Variants in NHSL2 observed in about 807,000 individuals in gnomAD.
The protein encoded by NHSL2 is NHS like 2.
Under a neutral mutation model 53.4 loss-of-function variants are expected in NHSL2, and 27 were observed. The observed-to-expected ratio is 0.51, with a 90% CI of 0.37 to 0.70. NHSL2 has a LOEUF of 0.70. Among genes scored for constraint, NHSL2 ranks in the 30% least tolerant of loss-of-function variants. NHSL2 has a pLI of 0.00. For missense variants in NHSL2, 892 were observed against 980.1 expected, an observed-to-expected ratio of 0.91 and a Z score of 1.20; for synonymous variants, 408 against 404.1, an observed-to-expected ratio of 1.01 and a Z score of -0.12.
At chrX:72,116,208 T>A (rs932638134) in intron 1 of NHSL2, among the ~76,000 whole-genome samples, 2 of 112,138 alleles carry the variant, frequency 1.8e-5, no homozygotes, top group Non-Finnish European at 3.8e-5. Flanking sequence ...CCTAGAGCAA[T>A]GCCTGTAGTA....
intron 1 of NHSL2, among the ~76,000 whole-genome samples, chrX:71,979,732 T>C (rs1460173486): frequency 9.0e-6 from 1 of 111,663 alleles, no homozygotes; most frequent in Non-Finnish European, 1.9e-5. Flanking sequence ...TCTGATGGTA[T>C]TTTCTTTTGC....
intron 1 of NHSL2, among the ~76,000 whole-genome samples, chrX:71,959,994 A>T (rs1169682051): frequency 1.8e-5 from 2 of 112,114 alleles, no homozygotes; most frequent in South Asian, 7.4e-4. Flanking sequence ...CAAAGTGGCT[A>T]TACCATCTCT....
chrX:71,970,794 T>TTTCTCTTGTAAAGA (rs1345374399), intron 1 of NHSL2, among the ~76,000 whole-genome samples: 1 of 111,527 alleles, frequency 9.0e-6, no homozygotes, highest in Non-Finnish European at 1.9e-5. Flanking sequence ...CTTTTTGAAT[T>TTTCTCTTGTAAAGA]TTCTCTTGTA....
intron 1 of NHSL2, among the ~76,000 whole-genome samples, chrX:71,990,107 T>A (rs2042020921): frequency 9.0e-6 from 1 of 111,453 alleles, no homozygotes; most frequent in Non-Finnish European, 1.9e-5. Context: ...TGCTTTGGAG[T>A]GGGGGACAAA....
intron 1 of NHSL2, among the ~76,000 whole-genome samples, chrX:72,010,308 A>G (rs966087065): frequency 1.8e-5 from 2 of 112,356 alleles, no homozygotes; most frequent in Non-Finnish European, 3.8e-5. Context: ...CTATGACCAC[A>G]GTGTTGGTGA....
At chrX:72,025,518 C>T (rs1012186755) in intron 1 of NHSL2, among the ~76,000 whole-genome samples, 1 of 112,631 alleles carries the variant, frequency 8.9e-6, no homozygotes, top group African/African-American at 3.2e-5. Flanking sequence ...TCTACAGTCA[C>T]CAGCATGTAA....
chrX:72,137,581 G>A (rs903360692), intron 5 of NHSL2, among the ~76,000 whole-genome samples: 7 of 111,741 alleles, frequency 6.3e-5, no homozygotes, highest in African/African-American at 1.6e-4. Flanking sequence ...TGCTGGCCAG[G>A]AGCACAGACC....
intron 1 of NHSL2, among the ~76,000 whole-genome samples, chrX:71,945,587 G>A (rs1265991087): frequency 2.7e-5 from 3 of 111,789 alleles, no homozygotes; most frequent in Non-Finnish European, 5.6e-5. Flanking sequence ...TGGTCTGCTG[G>A]AGGCTGAGCC....
intron 1 of NHSL2, among the ~76,000 whole-genome samples, chrX:72,107,162 G>T (rs1425372403): frequency 1.8e-5 from 2 of 110,702 alleles, no homozygotes; most frequent in Non-Finnish European, 3.8e-5. Flanking sequence ...GGTGGCTCAT[G>T]CCTGTAATCC....
Position 72,137,076 on chromosome X carries a change from T to C in NHSL2, c.761-18T>C. ...ACAGAAACCAGGATGCACCCAAGTG[T>C]CTTTATTTTGGCTACAGGGCAGCAG... is the stretch of plus-strand genomic sequence containing the variant. On this transcript the variant is annotated intron_variant, in intron 4 of 7. Transcript: ENST00000633930. 1 of 1,162,275 alleles carries C rather than the reference T, an allele frequency of 8.6e-7. No homozygotes were observed. The highest frequency in any genetic ancestry group is 1.2e-6 in the Non-Finnish European group (1 of 869,355).
chrX:72,134,544 C>T lies in NHSL2; in HGVS notation c.600C>T (p.Thr200=), dbSNP rs748240923. Residue 200 remains threonine, a synonymous_variant, in exon 4 of 8, where the codon ACC becomes ACT. Coordinates refer to ENST00000633930, the MANE Select transcript of NHSL2 (RefSeq NM_001013627.3). ...TKRQLSEDET[T]TQGVRAPEAS... is the part of the protein sequence containing the mutation. ...GGCAGCTGAGCGAGGATGAGACTAC[C>T]ACCCAGGGTGTGAGGGCCCCCGAGG... 27 of 1,166,389 alleles carry T rather than the reference C, an allele frequency of 2.3e-5. No homozygotes were observed. The African/African-American group carries it at 4.6e-4, about 20-fold the overall frequency.
intron 1 of NHSL2, among the ~76,000 whole-genome samples, chrX:71,994,805 C>G (rs1461353473): frequency 9.0e-6 from 1 of 111,392 alleles, no homozygotes; most frequent in Non-Finnish European, 1.9e-5. Flanking sequence ...TGATGGGGGG[C>G]CAGCCAGGGA....
chrX:72,085,715 G>GTT lies in NHSL2; in HGVS notation c.281-46353_281-46352dup, dbSNP rs367789526. ...AGGAGAAATTCTTTGTTTTTTTTTTGTTTTTTTTTTTTGTGGGGGGGTATA... is the reference window on the plus strand; with the variant it reads ...AGGAGAAATTCTTTGTTTTTTTTTTGTTTTTTTTTTTTTTGTGGGGGGGTATA... On this transcript the variant is annotated intron_variant, in intron 1 of 7. Coordinates refer to ENST00000633930, the MANE Select transcript of NHSL2 (RefSeq NM_001013627.3). Among the ~76,000 whole-genome samples the GTT allele has an allele frequency of 5.1e-3, 474 of 92,481 alleles. 2 individuals carry two copies. The highest frequency in any genetic ancestry group is 6.8e-3 in the Non-Finnish European group (321 of 47,508). The allele number at this position is 92,481 out of a possible 115,157, so 80.3% of individuals were successfully genotyped here.
At chrX:72,031,214 C>A (rs1422013440) in intron 1 of NHSL2, among the ~76,000 whole-genome samples, 1 of 111,653 alleles carries the variant, frequency 9.0e-6, no homozygotes, top group Non-Finnish European at 1.9e-5. Flanking sequence ...GCCTTTGAAT[C>A]AGAAATACAT....
intron 1 of NHSL2, among the ~76,000 whole-genome samples, chrX:72,113,946 C>T (rs2042114342): frequency 8.9e-6 from 1 of 112,198 alleles, no homozygotes; most frequent in Admixed American, 9.4e-5. Context: ...GGACTAGGGC[C>T]TCTGACTGCC....
chrX:72,132,519 G>C (rs911820266), intron 2 of NHSL2, among the ~76,000 whole-genome samples: 1 of 108,842 alleles, frequency 9.2e-6, no homozygotes, highest in African/African-American at 3.4e-5. Flanking sequence ...CATTCACCGA[G>C]AGCTGGGTGG....
intron 1 of NHSL2, among the ~76,000 whole-genome samples, chrX:71,963,967 A>ATATATATATATATATG (rs1556312057): frequency 1.6e-4 from 1 of 6,212 alleles, no homozygotes; most frequent in Non-Finnish European, 3.9e-3. Context: ...ATACACATAT[A>ATATATATATATATATG]TATATACATA....
chrX:71,962,244 C>T (rs1471332514), intron 1 of NHSL2, among the ~76,000 whole-genome samples: 4 of 111,694 alleles, frequency 3.6e-5, no homozygotes, highest in South Asian at 7.5e-4. Flanking sequence ...AGAATTTTTA[C>T]ATTTATATAA....
chrX:71,955,811 G>A (rs1224195521), intron 1 of NHSL2, among the ~76,000 whole-genome samples: 1 of 106,762 alleles, frequency 9.4e-6, no homozygotes, highest in Non-Finnish European at 1.9e-5. Context: ...TTTTTTTTTA[G>A]TTTTCATTCA....
Sources: gnomAD v4.1 joint callset for allele counts (sites outside exome capture counted in the v4.1 genomes callset) on GRCh38, gnomAD v4.1.1 for gene constraint, MANE v1.5 for transcripts, NCBI Gene and HGNC (gene_info 2026-07-23, HGNC 2026-07-21) for gene names.